Variants in SLC12A1 observed in about 807,000 individuals in gnomAD.
The protein encoded by SLC12A1 is solute carrier family 12 member 1, also known as Na-K-2Cl cotransporter.
Under a neutral mutation model 130.4 loss-of-function variants are expected in SLC12A1, and 89 were observed. That is an observed-to-expected ratio of 0.68 (90% CI 0.58 to 0.81). SLC12A1 has a LOEUF of 0.81. Ranked by LOEUF, SLC12A1 falls within the 40% of genes least tolerant of loss-of-function variation. SLC12A1 has a pLI of 0.00. For missense variants in SLC12A1, 1,310 were observed against 1,336.4 expected (o/e 0.98, Z 0.31); for synonymous variants, 499 against 460.0 (o/e 1.08, Z -1.09).
At chr15:48,247,533 T>C (rs2041596669) in intron 13 of SLC12A1, 73 bp downstream of exon 13, 1 of 1,183,600 alleles carries the variant, frequency 8.4e-7, no homozygotes, top group Non-Finnish European at 1.2e-6. Context: ...TTCCTTTTAG[T>C]TTGAAAAATT....
intron 24 of SLC12A1, among the ~76,000 whole-genome samples, chr15:48,294,038 CA>C (rs765065568): frequency 0.011 from 1,240 of 109,970 alleles, 6 homozygotes; most frequent in African/African-American, 0.028. Flanking sequence ...GACCCTATCT[CA>C]AAAAAAAAAA....
intron 9 of SLC12A1, among the ~76,000 whole-genome samples, chr15:48,238,269 G>A (rs1478964725): frequency 1.3e-5 from 2 of 152,182 alleles, no homozygotes; most frequent in Non-Finnish European, 2.9e-5. Flanking sequence ...TGAAATGGCA[G>A]AAGGACATGG....
chr15:48,221,511 A>G (rs576764738), intron 4 of SLC12A1: 19 of 624,096 alleles, frequency 3.0e-5, no homozygotes, highest in Non-Finnish European at 5.4e-5. Context: ...TTAATCAAAT[A>G]TTGCCAGATA....
At chr15:48,293,660 A>G (rs1396168759) in intron 24 of SLC12A1, among the ~76,000 whole-genome samples, 1 of 152,216 alleles carries the variant, frequency 6.6e-6, no homozygotes, top group African/African-American at 2.4e-5. Context: ...TTTAAGATGC[A>G]TTCCTACTGA....
At chr15:48,263,227 A>G (rs1180659630) in intron 17 of SLC12A1, among the ~76,000 whole-genome samples, 4 of 152,188 alleles carry the variant, frequency 2.6e-5, no homozygotes, top group Non-Finnish European at 5.9e-5. Context: ...TCAAAAGTTA[A>G]TTGAATTGAA....
chr15:48,266,508 T>G (rs1282022385), intron 17 of SLC12A1, among the ~76,000 whole-genome samples: 1 of 151,626 alleles, frequency 6.6e-6, no homozygotes, highest in Non-Finnish European at 1.5e-5. Context: ...TTTAAGACCG[T>G]GACTCCAAGT....
chr15:48,240,050 C>T (rs1002620516), intron 9 of SLC12A1, among the ~76,000 whole-genome samples: 9 of 6,408 alleles, frequency 1.4e-3, no homozygotes, highest in East Asian at 3.8e-3. Flanking sequence ...TATATATATC[C>T]ATATATATAT....
intron 13 of SLC12A1, among the ~76,000 whole-genome samples, chr15:48,248,833 CA>C (rs2041613789): frequency 1.3e-5 from 2 of 152,170 alleles, no homozygotes; most frequent in South Asian, 4.1e-4. Context: ...CACTGGAGGT[CA>C]GGAGTTCAAG....
At chr15:48,268,872 TGGACATAAAATAAGAGCA>T (rs1566848882) in intron 18 of SLC12A1, among the ~76,000 whole-genome samples, 1 of 152,156 alleles carries the variant, frequency 6.6e-6, no homozygotes, top group South Asian at 2.1e-4. Flanking sequence ...AATGGGAATA[TGGACATAAAATAAGAGCA>T]GGGAAAGAAA....
intron 19 of SLC12A1, among the ~76,000 whole-genome samples, chr15:48,273,149 C>T (rs1439219586): frequency 6.6e-6 from 1 of 150,802 alleles, no homozygotes; most frequent in South Asian, 2.1e-4. Context: ...ACAGTTCTGT[C>T]GATTAGTCTG....
intron 12 of SLC12A1, 61 bp downstream of exon 12, chr15:48,247,077 AG>A: frequency 7.5e-7 from 1 of 1,333,596 alleles, no homozygotes; most frequent in Non-Finnish European, 1.1e-6. Context: ...ATGTGAATCA[AG>A]CTGAAATATT....
At chr15:48,227,330 A>G in intron 5 of SLC12A1, 2 of 629,416 alleles carry the variant, frequency 3.2e-6, no homozygotes. Context: ...AATTTTTCTC[A>G]ACTAAAATTG....
Position 48,254,592 on chromosome 15 carries a change from TAAAAAAAAAAAAAAAAAAAAA to T in SLC12A1, c.1943-1201_1943-1181del, listed in dbSNP as rs550686114. On this transcript the variant is annotated intron_variant, in intron 15 of 26. Transcript: ENST00000380993. ...AAGATCCATTTAATACTTAAATTCG[TAAAAAAAAAAAAAAAAAAAAA>T]AAAAAAAAAAAAAAAAACCCAAAAA... Among the ~76,000 whole-genome samples, 77 of 52,894 alleles carry T rather than the reference TAAAAAAAAAAAAAAAAAAAAA, an allele frequency of 1.5e-3. 1 individual carries two copies. The highest frequency in any genetic ancestry group is 2.5e-3 in the African/African-American group (48 of 19,270). 34.7% of individuals were successfully genotyped at this position (52,894 alleles called of 152,430 possible).
At chr15:48,240,032 TATATATATATATATATCC>T (rs71120610) in intron 9 of SLC12A1, among the ~76,000 whole-genome samples, 61,683 of 90,578 alleles carry the variant, frequency 0.68, 24,689 homozygotes, top group Non-Finnish European at 0.84. Context: ...TATATATCCA[TATATATATATATATATCC>T]ATATATATAT....
chr15:48,289,238 T>C (rs1037231168), intron 23 of SLC12A1, among the ~76,000 whole-genome samples: 1 of 151,280 alleles, frequency 6.6e-6, no homozygotes, highest in Non-Finnish European at 1.5e-5. Context: ...GAAAACCACC[T>C]TCAGCAGCTC....
intron 20 of SLC12A1, 26 bp downstream of exon 20, chr15:48,274,679 C>G: frequency 1.3e-6 from 2 of 1,526,584 alleles, no homozygotes; most frequent in Non-Finnish European, 9.1e-7. Flanking sequence ...ATTCAACCAA[C>G]AAGTATTTAT....
intron 2 of SLC12A1, among the ~76,000 whole-genome samples, chr15:48,214,950 G>A (rs966893741): frequency 2.6e-5 from 4 of 151,424 alleles, no homozygotes; most frequent in East Asian, 1.9e-4. Context: ...ACTGTCTCTC[G>A]GTGGTGGTCT....
chr15:48,237,127 C>T, intron 9 of SLC12A1: 1 of 659,520 alleles, frequency 1.5e-6, no homozygotes, highest in Non-Finnish European at 2.7e-6. Context: ...TGCCTGTCCC[C>T]TCAAAAAGTA....
intron 9 of SLC12A1, among the ~76,000 whole-genome samples, chr15:48,240,054 T>TATATATATATATCC: frequency 1.2e-5 from 1 of 80,828 alleles, no homozygotes; most frequent in African/African-American, 5.8e-5. Context: ...TATATCCATA[T>TATATATATATATCC]ATATATATAT....
Sources: gnomAD v4.1 joint callset for allele counts (sites outside exome capture counted in the v4.1 genomes callset) on GRCh38, gnomAD v4.1.1 for gene constraint, MANE v1.5 for transcripts, NCBI Gene and HGNC (gene_info 2026-07-23, HGNC 2026-07-21) for gene names.